The following GABRB3 variants were observed in gnomAD, a reference collection of about 807,000 sequenced individuals.
GABRB3 encodes the protein gamma-aminobutyric acid type A receptor subunit beta3.
GABRB3 carries 14 observed loss-of-function variants against 52.1 expected under a neutral mutation model. The observed-to-expected ratio is 0.27, with a 90% CI of 0.18 to 0.42. GABRB3 has a LOEUF of 0.42. GABRB3 is among the 10% of genes least tolerant of loss of function. The pLI, the probability that GABRB3 is intolerant of heterozygous loss-of-function variation, is 1.00. For missense variants in GABRB3, 307 were observed against 609.1 expected (o/e 0.50, Z 5.22); for synonymous variants, 260 against 232.3 (o/e 1.12, Z -1.08).
chr15:26,726,870 A>C (rs1017309229), intron 3 of GABRB3, among the ~76,000 whole-genome samples: 6 of 152,162 alleles, frequency 3.9e-5, no homozygotes, highest in African/African-American at 1.4e-4. Context: ...TTTCTCATTA[A>C]AATTTCACAC....
At chr15:26,639,137 G>A (rs1000349901) in intron 3 of GABRB3, among the ~76,000 whole-genome samples, 1 of 152,086 alleles carries the variant, frequency 6.6e-6, no homozygotes, top group South Asian at 2.1e-4. Flanking sequence ...TCTGAGGATG[G>A]CCTCAGCATG....
intron 4 of GABRB3, among the ~76,000 whole-genome samples, chr15:26,587,093 A>G (rs1595461842): frequency 1.3e-5 from 2 of 152,218 alleles, no homozygotes; most frequent in East Asian, 3.8e-4. Flanking sequence ...TATGTTAACT[A>G]GCTTGATTTA....
intron 4 of GABRB3, chr15:26,613,042 G>A (rs1892128204): frequency 6.6e-6 from 1 of 152,468 alleles, no homozygotes. Context: ...ATTAGAGCCT[G>A]GGAGTTGGAA....
intron 3 of GABRB3, among the ~76,000 whole-genome samples, chr15:26,739,391 C>T (rs1418921977): frequency 6.6e-6 from 1 of 152,024 alleles, no homozygotes; most frequent in Non-Finnish European, 1.5e-5. Context: ...ACAGCTTTAT[C>T]CTTGTTGACA....
chr15:26,590,019 G>A (rs1891136508), intron 4 of GABRB3, among the ~76,000 whole-genome samples: 1 of 152,176 alleles, frequency 6.6e-6, no homozygotes, highest in Non-Finnish European at 1.5e-5. Flanking sequence ...TATGGACTCT[G>A]TTGAGAACCT....
intron 4 of GABRB3, among the ~76,000 whole-genome samples, chr15:26,609,741 G>A (rs772119041): frequency 2.6e-5 from 4 of 152,128 alleles, no homozygotes; most frequent in Non-Finnish European, 5.9e-5. Flanking sequence ...TAATAATAGA[G>A]TTTTATACAT....
chr15:26,672,902 G>A (rs1041585750), intron 3 of GABRB3, among the ~76,000 whole-genome samples: 8 of 152,116 alleles, frequency 5.3e-5, no homozygotes, highest in Non-Finnish European at 8.8e-5. Context: ...TAGGCCTGTT[G>A]GGGTTGAATA....
rs559922865 is a variant in GABRB3, at chr15:26,688,052, T to C, written c.241-66518A>G. ...AGCCAAAAAGTGTAAGAAACTAAAA[T>C]TAGAAAGTTTTCTTCATTTCATAAT... On this transcript the variant is annotated intron_variant, in intron 3 of 8. Coordinates refer to ENST00000311550, the MANE Select transcript of GABRB3 (RefSeq NM_000814.6). 3.3e-5 allele frequency among the ~76,000 whole-genome samples: 5 copies of C among 152,316 alleles called. No homozygotes were observed. The East Asian group carries it at 9.7e-4, about 29-fold the overall frequency.
At chr15:26,624,977 C>A in intron 3 of GABRB3, 1 of 985,136 alleles carries the variant, frequency 1.0e-6, no homozygotes, top group Non-Finnish European at 1.2e-6. Flanking sequence ...TACCTAGAAC[C>A]TCATTTAACT....
chr15:26,622,416 C>G (rs1009233420), intron 3 of GABRB3, among the ~76,000 whole-genome samples: 2 of 152,138 alleles, frequency 1.3e-5, no homozygotes, highest in African/African-American at 4.8e-5. Context: ...ATGACCAAGT[C>G]TAAAAATCTA....
chr15:26,586,397 A>AACACACGCACACAC (rs1555368906), intron 4 of GABRB3, among the ~76,000 whole-genome samples: 19 of 138,086 alleles, frequency 1.4e-4, no homozygotes, highest in African/African-American at 4.9e-4. Flanking sequence ...AACCACCCCT[A>AACACACGCACACAC]ACACACACAC....
At chr15:26,699,449 C>A (rs1412482929) in intron 3 of GABRB3, among the ~76,000 whole-genome samples, 1 of 149,872 alleles carries the variant, frequency 6.7e-6, no homozygotes, top group African/African-American at 2.5e-5. Flanking sequence ...AGTAAGGAAG[C>A]ATGAAAATAT....
intron 3 of GABRB3, among the ~76,000 whole-genome samples, chr15:26,685,656 AAC>A (rs1209705883): frequency 6.6e-6 from 1 of 152,212 alleles, no homozygotes; most frequent in Admixed American, 6.5e-5. Flanking sequence ...ACGATTATGA[AAC>A]AGTTTATTCA....
At chr15:26,710,597 A>T (rs940974040) in intron 3 of GABRB3, among the ~76,000 whole-genome samples, 2 of 152,218 alleles carry the variant, frequency 1.3e-5, no homozygotes, top group African/African-American at 4.8e-5. Context: ...GTCATACAGT[A>T]ACGCTATGTT....
At chr15:26,741,026 G>C (rs1217902841) in intron 3 of GABRB3, among the ~76,000 whole-genome samples, 1 of 146,664 alleles carries the variant, frequency 6.8e-6, no homozygotes, top group Non-Finnish European at 1.5e-5. Flanking sequence ...AGAATGGCAG[G>C]ATGGGCGAGG....
At chr15:26,761,829 C>CTTAG (rs1566833383) in intron 3 of GABRB3, among the ~76,000 whole-genome samples, 2 of 151,936 alleles carry the variant, frequency 1.3e-5, no homozygotes. Flanking sequence ...CTCTATCCCT[C>CTTAG]TTATTTATTT....
chr15:26,593,549 T>C (rs996692627), intron 4 of GABRB3, among the ~76,000 whole-genome samples: 5 of 152,166 alleles, frequency 3.3e-5, no homozygotes, highest in Admixed American at 2.0e-4. Flanking sequence ...CACACATAAG[T>C]GAAATCATAT....
intron 3 of GABRB3, among the ~76,000 whole-genome samples, chr15:26,653,796 C>T (rs751787706): frequency 1.8e-4 from 27 of 152,180 alleles, no homozygotes; most frequent in Non-Finnish European, 3.5e-4. Flanking sequence ...GTTCTCCATA[C>T]ATCAAATAAA....
At chr15:26,550,200 A>G (rs1889406728) in intron 8 of GABRB3, 1 of 152,240 alleles carries the variant, frequency 6.6e-6, no homozygotes, top group Non-Finnish European at 1.5e-5. Flanking sequence ...GAACTCAAAA[A>G]CTGAGGACTT....
Sources: gnomAD v4.1 joint callset for allele counts (sites outside exome capture counted in the v4.1 genomes callset) on GRCh38, gnomAD v4.1.1 for gene constraint, MANE v1.5 for transcripts, NCBI Gene and HGNC (gene_info 2026-07-23, HGNC 2026-07-21) for gene names.